The following COL12A1 variants were observed in gnomAD, a reference collection of about 807,000 sequenced individuals.
COL12A1 encodes collagen type XII alpha 1 chain, also known as collagen alpha-1(XII) chain.
Under a neutral mutation model 349.7 loss-of-function variants are expected in COL12A1, and 114 were observed. The observed-to-expected ratio is 0.33, with a 90% CI of 0.28 to 0.38. The LOEUF is 0.38. COL12A1 is among the 10% of genes least tolerant of loss of function. The pLI, the probability that COL12A1 is intolerant of heterozygous loss-of-function variation, is 1.00. For missense variants in COL12A1, 3,284 were observed against 3,756.9 expected (o/e 0.87, Z 3.29); for synonymous variants, 1,369 against 1,329.0 (o/e 1.03, Z -0.66).
At chr6:75,106,363 G>T (rs1768544341) in intron 53 of COL12A1, 56 bp downstream of exon 53, 3 of 1,433,426 alleles carry the variant, frequency 2.1e-6, no homozygotes, top group South Asian at 2.3e-5. Context: ...AGGCACAAGG[G>T]TTTATTACTG....
chr6:75,118,231 G>T (rs1291190268), intron 46 of COL12A1, among the ~76,000 whole-genome samples: 1 of 152,046 alleles, frequency 6.6e-6, no homozygotes, highest in Non-Finnish European at 1.5e-5. Flanking sequence ...TCTGTGTAAG[G>T]TGTATAACAT....
chr6:75,156,812 C>T (rs946857862), intron 14 of COL12A1, among the ~76,000 whole-genome samples: 4 of 152,050 alleles, frequency 2.6e-5, no homozygotes, highest in Non-Finnish European at 4.4e-5. Flanking sequence ...CATCCATTTC[C>T]GGAGATAAGG....
rs748076280 is a variant in COL12A1, at chr6:75,189,699, C to G, written c.511G>C (p.Asp171His). Reference sequence around the variant, plus strand: ...ACTCTTGTCTTCTCTTCCCCAATGTCAAAAGCAGACACAAGAGCAGCAATG... The same window carrying G: ...ACTCTTGTCTTCTCTTCCCCAATGTGAAAAGCAGACACAAGAGCAGCAATG... ...DFIAALVSAF[D>H]IGEEKTRVGV... The change falls in exon 6 of 66, where the codon GAC becomes CAC. Residue 171 changes from aspartate to histidine, a missense_variant. By Grantham distance (81) the Asp-to-His change is moderately conservative. This residue lies in a region of COL12A1 where 2,601 missense variants were observed against 2,824.8 expected (regional missense o/e 0.92). Coordinates refer to ENST00000322507, the MANE Select transcript of COL12A1 (RefSeq NM_004370.6). 11 of 1,613,248 alleles carry G rather than the reference C, an allele frequency of 6.8e-6. No homozygotes were observed. Among genetic ancestry groups the G allele is most frequent in the Non-Finnish European group, 8.5e-6 (10 of 1,179,468 alleles).
intron 13 of COL12A1, among the ~76,000 whole-genome samples, chr6:75,166,012 C>T (rs529756472): frequency 1.3e-5 from 2 of 152,094 alleles, no homozygotes; most frequent in Admixed American, 1.3e-4. Flanking sequence ...CCCTCATATG[C>T]CTAGTCAGAT....
At chr6:75,128,069 G>A (rs987111900) in intron 38 of COL12A1, among the ~76,000 whole-genome samples, 8 of 152,068 alleles carry the variant, frequency 5.3e-5, no homozygotes, top group Non-Finnish European at 1.2e-4. Context: ...TATGTACATG[G>A]TCTTCTTTTT....
chr6:75,115,837 G>A lies in COL12A1; in HGVS notation c.7644C>T (p.Pro2548=), dbSNP rs1483863313. ...TCTGAATCCTGTATGCTGAGTAGCT[G>A]GGGAAAGACCCTGACTCCAAAGATA... ...QGVSLESGSF[P]SYSAYRIQKN... Residue 2548 remains proline, a synonymous_variant, in exon 49 of 66, where the codon CCC becomes CCT. Coordinates refer to ENST00000322507, the MANE Select transcript of COL12A1 (RefSeq NM_004370.6). 2 of 1,613,550 alleles carry A rather than the reference G, an allele frequency of 1.2e-6. No homozygotes were observed. The highest frequency in any genetic ancestry group is 3.3e-5 in the Admixed American group (2 of 59,970).
chr6:75,193,434 T>C (rs1375086882), intron 3 of COL12A1, among the ~76,000 whole-genome samples: 2 of 152,204 alleles, frequency 1.3e-5, no homozygotes, highest in African/African-American at 2.4e-5. Context: ...AAATCATTGG[T>C]ATTTTTAAAG....
intron 65 of COL12A1, chr6:75,087,051 G>C (rs1439649305): frequency 6.5e-6 from 1 of 153,146 alleles, no homozygotes; most frequent in Non-Finnish European, 1.5e-5. Flanking sequence ...CTCTACAATT[G>C]TCAAACACTA....
chr6:75,139,348 C>T (rs1412553759), intron 27 of COL12A1, among the ~76,000 whole-genome samples: 1 of 152,112 alleles, frequency 6.6e-6, no homozygotes, highest in Non-Finnish European at 1.5e-5. Context: ...CACACATAGA[C>T]TCTGGGTTAA....
At chr6:75,197,848 T>C (rs1770314245) in intron 2 of COL12A1, among the ~76,000 whole-genome samples, 1 of 152,224 alleles carries the variant, frequency 6.6e-6, no homozygotes, top group South Asian at 2.1e-4. Context: ...CAAAACGCTA[T>C]GCTACGAAGA....
At position 75,138,493 on chromosome 6, in the gene COL12A1, G is replaced by A. The variant is rs1329724602; in HGVS notation, c.5185C>T (p.Pro1729Ser). 3.1e-6 allele frequency: 5 copies of A among 1,614,028 alleles called. No homozygotes were observed. Among genetic ancestry groups the A allele is most frequent in the South Asian group, 2.2e-5 (2 of 91,068 alleles). Residue 1729 changes from proline to serine, a missense_variant, in exon 29 of 66, where the codon CCT becomes TCT. This residue lies in a region of COL12A1 where 2,601 missense variants were observed against 2,824.8 expected (regional missense o/e 0.92). Coordinates refer to ENST00000322507, the MANE Select transcript of COL12A1 (RefSeq NM_004370.6). ...AGGTCATCACTTTCTGACTCATCAG[G>A]ATAGATGGCAGTAATGGAAACTTCA... ...IYEVSITAIY[P>S]DESESDDLIG...
chr6:75,196,144 A>C (rs952041007), intron 2 of COL12A1, among the ~76,000 whole-genome samples: 1 of 152,220 alleles, frequency 6.6e-6, no homozygotes, highest in Non-Finnish European at 1.5e-5. Flanking sequence ...GCAGCATTGT[A>C]CTGACTCACT....
intron 40 of COL12A1, 67 bp downstream of exon 40, chr6:75,125,059 TA>T: frequency 7.0e-7 from 1 of 1,438,738 alleles, no homozygotes; most frequent in Non-Finnish European, 9.2e-7. Flanking sequence ...AACAGGAAAT[TA>T]AAACAGGCTG....
chr6:75,173,551 A>G (rs1462529049), intron 13 of COL12A1, among the ~76,000 whole-genome samples: 2 of 151,886 alleles, frequency 1.3e-5, no homozygotes, highest in Non-Finnish European at 2.9e-5. Flanking sequence ...TAATTTTTGT[A>G]TTTAGTAGAG....
intron 7 of COL12A1, among the ~76,000 whole-genome samples, chr6:75,188,916 A>C (rs1217171061): frequency 6.6e-6 from 1 of 152,114 alleles, no homozygotes; most frequent in African/African-American, 2.4e-5. Context: ...AAAAACACTT[A>C]ATGATAATAC....
At chr6:75,155,576 G>T in intron 16 of COL12A1, 86 bp downstream of exon 16, 1 of 1,301,530 alleles carries the variant, frequency 7.7e-7, no homozygotes, top group Non-Finnish European at 1.1e-6. Context: ...AGTGATATTT[G>T]TGTAAAGCCT....
rs1373250415 is a variant in COL12A1 at position 75,123,420 on chromosome 6, A to G, written c.6872-16T>C. The G allele has an allele frequency of 6.5e-7, 1 of 1,535,308 alleles. No individual in the cohort carries two copies. The highest frequency in any genetic ancestry group is 1.4e-5 in the African/African-American group (1 of 72,108). Reference sequence around the variant, plus strand: ...GGTTTCACAGCTAAAATTTAAAAATAATAATTATAAAAACACACCATGTGC... The same window carrying G: ...GGTTTCACAGCTAAAATTTAAAAATGATAATTATAAAAACACACCATGTGC... On this transcript the variant is annotated splice_polypyrimidine_tract_variant and intron_variant, in intron 42 of 65. Transcript: ENST00000322507.
At position 75,183,053 on chromosome 6, in the gene COL12A1, T is replaced by A; in HGVS notation, c.1888A>T (p.Lys630Ter). The A allele has an allele frequency of 6.3e-7, 1 of 1,595,952 alleles. No individual in the cohort carries two copies. The highest frequency in any genetic ancestry group is 8.5e-7 in the Non-Finnish European group (1 of 1,173,372). The change falls in exon 10 of 66, where the codon AAA becomes TAA. Residue 630 changes from lysine to a stop codon, truncating the protein, a stop_gained. Transcript: ENST00000322507. LOFTEE classifies it high-confidence loss of function. ...IEQELAAIKK[K>*]AYVPPKDLSF... ...TTTACTCTCAAAGTCTACTAACCTT[T>A]CTTCTTTATAGCTGCCAATTCTTGC...
intron 63 of COL12A1, among the ~76,000 whole-genome samples, chr6:75,089,538 A>C (rs2149325950): frequency 6.6e-6 from 1 of 152,304 alleles, no homozygotes; most frequent in South Asian, 2.1e-4. Context: ...CAGCAGCCAA[A>C]CCAGTAGAAT....
Sources: allele counts gnomAD v4.1 joint callset (sites outside exome capture counted in the v4.1 genomes callset), GRCh38; gene constraint gnomAD v4.1.1; regional missense constraint gnomAD v4.1.1; transcripts MANE v1.5; gene names NCBI Gene and HGNC (gene_info 2026-07-23, HGNC 2026-07-21).